Variants in BAHCC1 observed in about 807,000 individuals in gnomAD.
The protein encoded by BAHCC1 is BAH domain and coiled-coil containing 1.
BAHCC1 carries 43 observed loss-of-function variants against 88.2 expected under a neutral mutation model. The ratio of observed to expected loss-of-function variants is 0.49; its 90% CI spans 0.38 to 0.63. The LOEUF is 0.63. Among genes scored for constraint, BAHCC1 ranks in the 20% least tolerant of loss-of-function variants. BAHCC1 has a pLI of 0.00. For synonymous variants in BAHCC1, 1,510 were observed against 745.5 expected, an observed-to-expected ratio of 2.03 and a Z score of -16.71; for missense variants, 3,023 against 1,654.8, an observed-to-expected ratio of 1.83 and a Z score of -14.34.
At chr17:81,454,160 A>G (rs868906339) in intron 14 of BAHCC1, among the ~76,000 whole-genome samples, 1 of 152,144 alleles carries the variant, frequency 6.6e-6, no homozygotes, top group East Asian at 1.9e-4. Context: ...AGACTCCCCA[A>G]GCCTTGGCTT....
intron 14 of BAHCC1, among the ~76,000 whole-genome samples, chr17:81,454,755 G>A (rs1209761310): frequency 6.6e-6 from 1 of 152,208 alleles, no homozygotes; most frequent in Non-Finnish European, 1.5e-5. Context: ...ACAGGCACAT[G>A]TGTGGCTGTC....
At chr17:81,452,547 G>C (rs953582539) in intron 13 of BAHCC1, among the ~76,000 whole-genome samples, 176 bp from the exon 14 acceptor site, 4 of 152,038 alleles carry the variant, frequency 2.6e-5, no homozygotes, top group African/African-American at 9.7e-5. Flanking sequence ...GGTGGGGGCG[G>C]CGGGGGCCCC....
intron 4 of BAHCC1, 41 bp from the exon 5 acceptor site, chr17:81,441,789 AC>A: frequency 1.9e-6 from 1 of 518,840 alleles, no homozygotes; most frequent in Non-Finnish European, 3.5e-6. Flanking sequence ...CTCCAGCCTC[AC>A]CCCTAAGGCC....
At chr17:81,446,612 G>A (rs374165394) in intron 10 of BAHCC1, 13 of 298,088 alleles carry the variant, frequency 4.4e-5, no homozygotes, top group East Asian at 2.9e-4. Flanking sequence ...GCAGTGACGC[G>A]AACATGGTTC....
intron 4 of BAHCC1, among the ~76,000 whole-genome samples, chr17:81,439,586 G>A (rs531391672): frequency 4.6e-4 from 70 of 151,970 alleles, no homozygotes; most frequent in East Asian, 2.7e-3. Flanking sequence ...AGGTTGTCCC[G>A]ACTGTGGAGA....
intron 2 of BAHCC1, chr17:81,421,863 C>A (rs545381970): frequency 9.5e-6 from 3 of 315,778 alleles, no homozygotes; most frequent in African/African-American, 2.2e-5. Context: ...AGGCTCAGTA[C>A]GCAGGATGCC....
Position 81,461,243 on chromosome 17 carries a change from G to A in BAHCC1, c.6580G>A (p.Ala2194Thr), listed in dbSNP as rs369327328. ...LRAKKAERVE[A>T]EKGGRRRAGG... is the part of the protein sequence containing the mutation. ...GGCTAAGAAGGCCGAGAGGGTGGAG[G>A]CCGAGAAGGGTGGGCGGCGGCGGGC... Residue 2194 changes from alanine to threonine, a missense_variant, in exon 26 of 28, where the codon GCC becomes ACC. Transcript: ENST00000675386. The A allele has an allele frequency of 5.1e-5, 36 of 708,268 alleles. No individual in the cohort carries two copies. The highest frequency in any genetic ancestry group is 8.1e-5 in the Non-Finnish European group (31 of 384,892). 43.9% of individuals were successfully genotyped at this position (708,268 alleles called of 1,614,324 possible). A position where few individuals can be genotyped will look rare whatever the true frequency, so the allele number is the denominator to read the frequency against.
chr17:81,463,440 C>A (rs888469827), intron 27 of BAHCC1, among the ~76,000 whole-genome samples, 171 bp from the exon 28 acceptor site: 22 of 152,152 alleles, frequency 1.4e-4, no homozygotes, highest in African/African-American at 4.1e-4. Context: ...TCTGGACAGA[C>A]AGGGCTGCCT....
rs200134076 is a variant in BAHCC1, at chr17:81,458,688, G to A, written c.5411G>A (p.Arg1804Gln). 83 of 726,412 alleles carry A rather than the reference G, an allele frequency of 1.1e-4. No individual in the cohort carries two copies. Among genetic ancestry groups the A allele is most frequent in the Middle Eastern group, 4.6e-4 (2 of 4,372 alleles). The allele number at this position is 726,412 out of a possible 1,614,324, so 45.0% of individuals were successfully genotyped here. A position where few individuals can be genotyped will look rare whatever the true frequency, so the allele number is the denominator to read the frequency against. ...RNAKAILGKG[R>Q]KLSKVKHKAG... The stretch of plus-strand genomic sequence containing the variant: ...GCCAAGGCCATCCTGGGGAAGGGCC[G>A]GAAGCTGAGCAAGGTGAAGCACAAG... The change falls in exon 19 of 28, where the codon CGG becomes CAG. Residue 1804 changes from arginine to glutamine, a missense_variant. By Grantham distance (43) the Arg-to-Gln change is conservative. Transcript: ENST00000675386.
chr17:81,459,152 C>T lies in BAHCC1; in HGVS notation c.5704C>T (p.Leu1902=), dbSNP rs1204339252. 1 of 769,772 alleles carries T rather than the reference C, an allele frequency of 1.3e-6. No individual in the cohort carries two copies. The highest frequency in any genetic ancestry group is 2.4e-6 in the Non-Finnish European group (1 of 412,828). 47.7% of individuals were successfully genotyped at this position (769,772 alleles called of 1,614,324 possible). A position where few individuals can be genotyped will look rare whatever the true frequency, so the allele number is the denominator to read the frequency against. ...GCTGTACGCGGGCAGCGTCAGGACC[C>T]TGCAGCCACCCGACATGTGAGGCCT... ...SLLYAGSVRT[L]QPPDIYSIVI... The change falls in exon 21 of 28, where the codon CTG becomes TTG. Residue 1902 remains leucine (L), a synonymous_variant. Transcript: ENST00000675386.
intron 3 of BAHCC1, among the ~76,000 whole-genome samples, chr17:81,438,109 G>A (rs942194493): frequency 1.3e-5 from 2 of 152,236 alleles, no homozygotes; most frequent in African/African-American, 4.8e-5. Context: ...TGCTAGGAGG[G>A]AACAGAGGCC....
At chr17:81,449,320 A>T (rs2064591215) in intron 11 of BAHCC1, among the ~76,000 whole-genome samples, 1 of 151,748 alleles carries the variant, frequency 6.6e-6, no homozygotes, top group African/African-American at 2.4e-5. Context: ...GTCCCCGTTA[A>T]TGGGCAGGTC....
chr17:81,412,262 G>C (rs2063963852), intron 2 of BAHCC1, among the ~76,000 whole-genome samples: 1 of 152,262 alleles, frequency 6.6e-6, no homozygotes, highest in African/African-American at 2.4e-5. Flanking sequence ...CTCTCTGAGA[G>C]TTTTCATATC....
At chr17:81,462,672 C>T (rs782804921) in intron 26 of BAHCC1, 68 bp from the exon 27 acceptor site, 8 of 703,950 alleles carry the variant, frequency 1.1e-5, no homozygotes, top group Non-Finnish European at 1.8e-5. Context: ...CCCTCCATGC[C>T]TCCTGGCCGC....
chr17:81,418,870 G>C (rs1333083432), intron 2 of BAHCC1, among the ~76,000 whole-genome samples: 2 of 151,204 alleles, frequency 1.3e-5, no homozygotes, highest in Non-Finnish European at 2.9e-5. Flanking sequence ...GTCAGACCTT[G>C]TGTGTACACC....
intron 10 of BAHCC1, among the ~76,000 whole-genome samples, chr17:81,446,041 G>A (rs1296348801): frequency 6.6e-6 from 1 of 152,140 alleles, no homozygotes; most frequent in East Asian, 1.9e-4. Flanking sequence ...TGCCATTCAG[G>A]GTCTCAGCAA....
intron 3 of BAHCC1, among the ~76,000 whole-genome samples, chr17:81,429,096 G>A (rs1292767194): frequency 6.6e-6 from 1 of 152,236 alleles, no homozygotes; most frequent in Non-Finnish European, 1.5e-5. Flanking sequence ...CTGGCTGGGC[G>A]AGACGCATCT....
chr17:81,463,805 C>T lies in BAHCC1; in HGVS notation c.7815C>T (p.Pro2605=), dbSNP rs535902756. 1.8e-5 allele frequency: 13 copies of T among 737,304 alleles called. No homozygotes were observed. Among genetic ancestry groups the T allele is most frequent in the Non-Finnish European group, 3.2e-5 (13 of 402,108 alleles). 45.7% of individuals were successfully genotyped at this position (737,304 alleles called of 1,614,324 possible). A position where few individuals can be genotyped will look rare whatever the true frequency, so the allele number is the denominator to read the frequency against. Residue 2605 remains proline, a synonymous_variant, in exon 28 of 28, where the codon CCC becomes CCT. Transcript: ENST00000675386. The stretch of plus-strand genomic sequence containing the variant: ...GCCTGGTGACGGCTGATGGCGTGCC[C>T]ATCCTATGCTGAGCCGCCCACCGCA... ...TGRLVTADGV[P]ILC is the part of the protein sequence containing the mutation.
Position 81,461,936 on chromosome 17 carries a change from G to T in BAHCC1, c.7273G>T (p.Ala2425Ser). The change falls in exon 26 of 28, where the codon GCC becomes TCC. Residue 2425 changes from alanine (A) to serine (S), a missense_variant. Ala to Ser is a moderately conservative substitution (Grantham distance 99). Transcript: ENST00000675386. ...KRKEALSFSKAKELSRRQRPP... is the reference protein window; with the variant it reads ...KRKEALSFSKSKELSRRQRPP... ...CAAAGAGGCCCTGAGCTTCTCCAAA[G>T]CCAAAGAGCTCTCCCGGAGGCAGCG... 1 of 762,214 alleles carries T rather than the reference G, an allele frequency of 1.3e-6. No homozygotes were observed. The highest frequency in any genetic ancestry group is 2.4e-6 in the Non-Finnish European group (1 of 409,962). 47.2% of individuals were successfully genotyped at this position (762,214 alleles called of 1,614,324 possible). A position where few individuals can be genotyped will look rare whatever the true frequency, so the allele number is the denominator to read the frequency against.
Sources: allele counts gnomAD v4.1 joint callset (sites outside exome capture counted in the v4.1 genomes callset), GRCh38; gene constraint gnomAD v4.1.1; transcripts MANE v1.5; gene names NCBI Gene and HGNC (gene_info 2026-07-23, HGNC 2026-07-21).